CHTF18: variants seen among roughly 807,000 people sequenced by gnomAD.
The protein encoded by CHTF18 is chromosome transmission fidelity factor 18, also known as chromosome transmission fidelity protein 18 homolog.
Under a neutral mutation model 113.4 loss-of-function variants are expected in CHTF18, and 151 were observed. The ratio of observed to expected loss-of-function variants is 1.33; its 90% CI spans 1.17 to 1.52. The LOEUF is 1.52. Among genes scored for constraint, CHTF18 ranks in the 40% most tolerant of loss-of-function variants. The pLI is 0.00. For synonymous variants in CHTF18, 916 were observed against 598.8 expected, an observed-to-expected ratio of 1.53 and a Z score of -7.74; for missense variants, 1,982 against 1,381.6, an observed-to-expected ratio of 1.43 and a Z score of -6.89.
At chr16:792,087 C>T in intron 9 of CHTF18, 137 bp from the exon 10 acceptor site, 2 of 1,533,208 alleles carry the variant, frequency 1.3e-6, no homozygotes, top group Non-Finnish European at 1.8e-6. Context: ...GAAAACGTGT[C>T]CTTCCTCGGG....
In CHTF18 at chr16:797,477, G is replaced by T. The variant is rs79657512; in HGVS notation, c.2734-217G>T. Among the ~76,000 whole-genome samples the T allele has an allele frequency of 9.4e-3, 1,427 of 152,268 alleles. 81 individuals carry two copies. The South Asian group carries it at 0.15, about 16-fold the overall frequency. ...ACCCAGGCCTCAGTTTCCCATCTGG[G>T]CAGAAGAGTGGCTGTATTGGCTCTT... On this transcript the variant is annotated intron_variant, in intron 20 of 21. Transcript: ENST00000262315.
intron 4 of CHTF18, 194 bp from the exon 5 acceptor site, chr16:789,983 G>A (rs752506461): frequency 2.6e-6 from 4 of 1,535,180 alleles, no homozygotes; most frequent in South Asian, 1.2e-5. Flanking sequence ...TTCTCCTAAA[G>A]CTGCCCCCAA....
At chr16:797,189 G>T (rs1163353259) in intron 20 of CHTF18, 97 bp downstream of exon 20, 1 of 1,379,340 alleles carries the variant, frequency 7.2e-7, no homozygotes, top group Non-Finnish European at 9.5e-7. Flanking sequence ...CCCATGGGGT[G>T]GGGCCAGGGT....
At chr16:796,119 C>T (rs1376243969) in intron 18 of CHTF18, 42 bp downstream of exon 18, 2 of 1,572,388 alleles carry the variant, frequency 1.3e-6, no homozygotes, top group Non-Finnish European at 8.6e-7. Flanking sequence ...GGGTCATGCT[C>T]CCCGGCTGTG....
Position 796,096 on chromosome 16 carries a change from G to T in CHTF18, c.2456+19G>T. The T allele has an allele frequency of 6.3e-7, 1 of 1,592,606 alleles. No individual in the cohort carries two copies. The highest frequency in any genetic ancestry group is 2.3e-5 in the East Asian group (1 of 43,654). On this transcript the variant is annotated intron_variant, in intron 18 of 21. Transcript: ENST00000262315. The stretch of plus-strand genomic sequence containing the variant: ...TGGAGCCGTGAGTCCCCCAGTGCCT[G>T]GGGTGTGCTCCAGGGTCATGCTCCC...
In CHTF18 at chr16:790,653, T is replaced by A. The variant is rs1381111479; in HGVS notation, c.881T>A (p.Leu294Gln). 6.3e-7 allele frequency: 1 copy of A among 1,577,070 alleles called. No individual in the cohort carries two copies. Among genetic ancestry groups the A allele is most frequent in the South Asian group, 1.2e-5 (1 of 84,420 alleles). ...DEFAPRHYTE[L>Q]LSDDFTNRCL... is the part of the protein sequence containing the mutation. ...TTTGCACCCCGCCACTACACGGAGCTGCTCAGTGATGACGTGAGGTCTTGT... is the reference window on the plus strand; with the variant it reads ...TTTGCACCCCGCCACTACACGGAGCAGCTCAGTGATGACGTGAGGTCTTGT... Residue 294 changes from leucine (L) to glutamine (Q), a missense_variant, in exon 7 of 22, where the codon CTG (leucine) becomes CAG (glutamine). Coordinates refer to ENST00000262315, the MANE Select transcript of CHTF18 (RefSeq NM_022092.3).
rs1482981991 is a variant in CHTF18, at chr16:794,150, C to T, written c.1899C>T (p.Tyr633=). ...TCACCTCCGCCTCACAGCGATTCTA[C>T]CGTGTCCTGCATGCCGCTGCCTCTG... ...GSLTSASQRF[Y]RVLHAAASAG... Residue 633 remains tyrosine, a synonymous_variant, in exon 15 of 22, where the codon TAC becomes TAT. Coordinates refer to ENST00000262315, the MANE Select transcript of CHTF18 (RefSeq NM_022092.3). 6.2e-7 allele frequency: 1 copy of T among 1,612,394 alleles called. No individual in the cohort carries two copies. The highest frequency in any genetic ancestry group is 8.5e-7 in the Non-Finnish European group (1 of 1,179,752).
chr16:789,881 C>T lies in CHTF18; in HGVS notation c.606+166C>T, dbSNP rs117453446. 1,220 of 1,339,020 alleles carry T rather than the reference C, an allele frequency of 9.1e-4. 13 individuals carry two copies. In the East Asian group the frequency reaches 0.027, roughly 29 times the overall value. The allele number at this position is 1,339,020 out of a possible 1,614,324, so 82.9% of individuals were successfully genotyped here. A position where few individuals can be genotyped will look rare whatever the true frequency, so the allele number is the denominator to read the frequency against. ...GGGGCGTAGACTTAGAGGACACAGC[C>T]TCCCCACAGCAGGTTGCTGTCCAGC... is the stretch of plus-strand genomic sequence containing the variant. On this transcript the variant is annotated intron_variant, in intron 4 of 21. Coordinates refer to ENST00000262315, the MANE Select transcript of CHTF18 (RefSeq NM_022092.3).
In CHTF18 at chr16:793,289, C is replaced by G; in HGVS notation, c.1802+15C>G. On this transcript the variant is annotated intron_variant, in intron 14 of 21. Coordinates refer to ENST00000262315, the MANE Select transcript of CHTF18 (RefSeq NM_022092.3). ...CGAGCCCAGAGGTAGGCGGTGGCCA[C>G]AGCCTCGGCCCAGATGCTCACGGTG... The G allele has an allele frequency of 6.2e-7, 1 of 1,604,884 alleles. No homozygotes were observed. Among genetic ancestry groups the G allele is most frequent in the South Asian group, 1.1e-5 (1 of 89,804 alleles).
chr16:792,576 C>T lies in CHTF18; in HGVS notation c.1464C>T (p.Cys488=), dbSNP rs757576805. 27 of 1,595,394 alleles carry T rather than the reference C, an allele frequency of 1.7e-5. No individual in the cohort carries two copies. The highest frequency in any genetic ancestry group is 1.4e-4 in the African/African-American group (10 of 73,768). ...EGGLLMRPII[C]ICNDQFAPSL... is the part of the protein sequence containing the mutation. ...GGCTCCTCATGAGGCCCATTATCTG[C>T]ATTTGCAATGACCAGTGAGTGCATG... The change falls in exon 11 of 22, where the codon TGC becomes TGT. Residue 488 remains cysteine, a synonymous_variant. Coordinates refer to ENST00000262315, the MANE Select transcript of CHTF18 (RefSeq NM_022092.3).
rs1313185497 is a variant in CHTF18 at position 795,940 on chromosome 16, C to A, written c.2326-7C>A. Reference sequence around the variant, plus strand: ...CAGCTCCCTGTCTGCTGCCTCCCATCCCCTAGGTGAGCACACAGCTGTACA... The same window carrying A: ...CAGCTCCCTGTCTGCTGCCTCCCATACCCTAGGTGAGCACACAGCTGTACA... On this transcript the variant is annotated splice_polypyrimidine_tract_variant and splice_region_variant and intron_variant, in intron 17 of 21. Transcript: ENST00000262315. 6.2e-7 allele frequency: 1 copy of A among 1,609,728 alleles called. No homozygotes were observed.
chr16:795,900 T>TA, intron 17 of CHTF18, 47 bp from the exon 18 acceptor site: 1 of 1,602,252 alleles, frequency 6.2e-7, no homozygotes, highest in Non-Finnish European at 8.5e-7. Flanking sequence ...TGAGCACACA[T>TA]TTGTACAGCC....
Position 797,882 on chromosome 16 carries a change from C to T in CHTF18, c.2835C>T (p.Gly945=). The change falls in exon 22 of 22, where the codon GGC becomes GGT. Residue 945 remains glycine (G), a synonymous_variant. Transcript: ENST00000262315. ...PEQDSVERRM[G]TAVGRSEVWF... Reference sequence around the variant, plus strand: ...AGGACTCAGTGGAGCGGCGCATGGGCACAGCGGTGGGCAGGAGCGAGGTCT... The same window carrying T: ...AGGACTCAGTGGAGCGGCGCATGGGTACAGCGGTGGGCAGGAGCGAGGTCT... The T allele has an allele frequency of 1.2e-6, 2 of 1,610,434 alleles. No homozygotes were observed. The highest frequency in any genetic ancestry group is 8.5e-7 in the Non-Finnish European group (1 of 1,178,972).
intron 8 of CHTF18, 44 bp from the exon 9 acceptor site, chr16:791,807 T>C (rs1477106826): frequency 1.9e-6 from 3 of 1,559,184 alleles, no homozygotes; most frequent in African/African-American, 1.4e-5. Flanking sequence ...GGGAGCGTCC[T>C]GTAGGTGCGG....
In CHTF18 at chr16:795,843, C is replaced by T. The variant is rs186863826; in HGVS notation, c.2325+9C>T. On this transcript the variant is annotated intron_variant, in intron 17 of 21. Transcript: ENST00000262315. ...CACCCAAGCTCCGCCCCGTGAGTGC[C>T]GTCCCCGGGGTGGGGGATTCCCCGC... 7.6e-5 allele frequency: 122 copies of T among 1,608,446 alleles called. No individual in the cohort carries two copies. The Admixed American group carries it at 1.7e-3, about 22-fold the overall frequency.
At position 796,792 on chromosome 16, in the gene CHTF18, C is replaced by T. The variant is rs372017216; in HGVS notation, c.2532C>T (p.Ile844=). 2.3e-5 allele frequency: 37 copies of T among 1,610,760 alleles called. No individual in the cohort carries two copies. The highest frequency in any genetic ancestry group is 2.6e-5 in the Non-Finnish European group (31 of 1,179,636). Residue 844 remains isoleucine (I), a synonymous_variant, in exon 19 of 22, where the codon ATC becomes ATT. Transcript: ENST00000262315. ...TCACCTACCAGACGAAGCAGCTCAT[C>T]GCCCGCGAGATCGAGGTGGAGAAGA... ...KPLTYQTKQL[I]AREIEVEKMR... is the part of the protein sequence containing the mutation.
Position 793,157 on chromosome 16 carries a change from G to C in CHTF18, c.1685G>C (p.Arg562Pro). ...CCCTATGTCTAGTTCCTGTACAGCC[G>C]GGGCCAGCGGGAGCTGAGCGTGCGG... The part of the protein sequence containing the change: ...CINTLQFLYS[R>P]GQRELSVRDV... The change falls in exon 14 of 22, where the codon CGG becomes CCG. Residue 562 changes from arginine (R) to proline (P), a missense_variant. Arg to Pro is a moderately radical substitution (Grantham distance 103). Coordinates refer to ENST00000262315, the MANE Select transcript of CHTF18 (RefSeq NM_022092.3). The C allele has an allele frequency of 6.2e-7, 1 of 1,603,558 alleles. No individual in the cohort carries two copies.
chr16:796,123 G>T (rs377469436), intron 18 of CHTF18, 46 bp downstream of exon 18: 10 of 1,569,066 alleles, frequency 6.4e-6, no homozygotes, highest in Non-Finnish European at 6.9e-6. Flanking sequence ...CATGCTCCCC[G>T]GCTGTGCTCC....
chr16:791,728 A>G lies in CHTF18; in HGVS notation c.1105-123A>G, dbSNP rs1034156300. 4 of 1,447,164 alleles carry G rather than the reference A, an allele frequency of 2.8e-6. No individual in the cohort carries two copies. The African/African-American group carries it at 4.3e-5, about 16-fold the overall frequency. The allele number at this position is 1,447,164 out of a possible 1,614,324, so 89.6% of individuals were successfully genotyped here. On this transcript the variant is annotated intron_variant, in intron 8 of 21. Transcript: ENST00000262315. ...AAGTGCTCAATTTTGTTCTTATTTG[A>G]TGGCTGGAGTGGGGTGGAGGGAGCG...
Sources: gnomAD v4.1 joint callset for allele counts (sites outside exome capture counted in the v4.1 genomes callset) on GRCh38, gnomAD v4.1.1 for gene constraint, MANE v1.5 for transcripts, NCBI Gene and HGNC (gene_info 2026-07-23, HGNC 2026-07-21) for gene names.